DPP6: variants seen among roughly 807,000 people sequenced by gnomAD.
DPP6 encodes dipeptidyl peptidase like 6, also known as A-type potassium channel modulatory protein DPP6.
DPP6 carries 69 observed loss-of-function variants against 122.6 expected under a neutral mutation model. That is an observed-to-expected ratio of 0.56 (90% CI 0.46 to 0.69). The LOEUF is 0.69. DPP6 is among the 30% of genes least tolerant of loss of function. The pLI, the probability that DPP6 is intolerant of heterozygous loss-of-function variation, is 0.00. For missense variants in DPP6, 928 were observed against 1,116.9 expected (o/e 0.83, Z 2.41); for synonymous variants, 418 against 433.1 (o/e 0.97, Z 0.43).
intron 7 of DPP6, among the ~76,000 whole-genome samples, chr7:154,712,862 T>G (rs773588881): frequency 3.3e-5 from 5 of 152,154 alleles, no homozygotes; most frequent in Non-Finnish European, 7.4e-5. Context: ...TCCTCACAAT[T>G]CAAAACAAAA....
intron 6 of DPP6, among the ~76,000 whole-genome samples, chr7:154,646,027 C>CAAAAAAAAAAAAAAAAAAAAA (rs71184020): frequency 5.2e-5 from 3 of 57,942 alleles, no homozygotes; most frequent in East Asian, 6.1e-4. Context: ...GACTCCGTCT[C>CAAAAAAAAAAAAAAAAAAAAA]AAAAAAAAAA....
In DPP6 at chr7:154,760,777, C is replaced by T. The variant is rs1304902084; in HGVS notation, c.884-8640C>T. Among the ~76,000 whole-genome samples, 1 of 150,320 alleles carries T rather than the reference C, an allele frequency of 6.7e-6. No homozygotes were observed. Among genetic ancestry groups the T allele is most frequent in the African/African-American group, 2.4e-5 (1 of 40,886 alleles). On this transcript the variant is annotated intron_variant, in intron 8 of 25. Transcript: ENST00000377770. The surrounding 1 kb of genome is among the most constrained non-coding windows in gnomAD (Gnocchi z 4.5). Reference sequence around the variant, plus strand: ...ACAAATGAAGAGGAAAGAGAGAAGACAAAACAAAAAGAAGGGTAAAGGAGC... The same window carrying T: ...ACAAATGAAGAGGAAAGAGAGAAGATAAAACAAAAAGAAGGGTAAAGGAGC...
intron 1 of DPP6, among the ~76,000 whole-genome samples, chr7:154,444,006 C>T (rs1315973773): frequency 6.6e-6 from 1 of 152,176 alleles, no homozygotes; most frequent in Non-Finnish European, 1.5e-5. Context: ...AACAGTTCAA[C>T]TCCTGCAAGT....
chr7:154,350,561 T>C (rs940590378), intron 1 of DPP6, among the ~76,000 whole-genome samples: 5 of 152,160 alleles, frequency 3.3e-5, no homozygotes, highest in Admixed American at 2.6e-4. Flanking sequence ...CGGTGTCCAC[T>C]AAAGACATTT....
intron 1 of DPP6, among the ~76,000 whole-genome samples, chr7:154,099,497 TA>T (rs1213447690): frequency 6.6e-6 from 1 of 152,124 alleles, no homozygotes; most frequent in African/African-American, 2.4e-5. Context: ...TTAAAATTAT[TA>T]AAAGCGTGGC....
At chr7:153,918,467 C>T (rs1800439528) in intron 1 of DPP6, among the ~76,000 whole-genome samples, 1 of 69,482 alleles carries the variant, frequency 1.4e-5, no homozygotes, top group Admixed American at 1.6e-4. Flanking sequence ...CACACACACA[C>T]TCTCTCTCTC....
At chr7:154,782,547 A>C (rs1215437621) in intron 10 of DPP6, among the ~76,000 whole-genome samples, 2 of 152,104 alleles carry the variant, frequency 1.3e-5, no homozygotes, top group East Asian at 3.9e-4. Flanking sequence ...AAGAATATTT[A>C]GTAAGGGCAG....
chr7:154,090,493 A>G (rs1486355056), intron 1 of DPP6, among the ~76,000 whole-genome samples: 1 of 152,202 alleles, frequency 6.6e-6, no homozygotes, highest in East Asian at 1.9e-4. Flanking sequence ...TCCCATCCGT[A>G]ACAGGAAGAA....
intron 6 of DPP6, among the ~76,000 whole-genome samples, chr7:154,647,696 T>TA (rs1383690856): frequency 4.6e-5 from 7 of 152,228 alleles, no homozygotes; most frequent in Admixed American, 2.0e-4. Context: ...CGCCAGATGT[T>TA]ACAGGTCACT....
chr7:154,761,472 C>A (rs1795551372), intron 8 of DPP6, among the ~76,000 whole-genome samples: 1 of 152,060 alleles, frequency 6.6e-6, no homozygotes, highest in East Asian at 1.9e-4. Flanking sequence ...TGAGGCCGTT[C>A]TTGCATTGCG....
intron 7 of DPP6, among the ~76,000 whole-genome samples, chr7:154,695,531 TC>T (rs1840167864): frequency 6.6e-6 from 1 of 152,212 alleles, no homozygotes; most frequent in South Asian, 2.1e-4. Flanking sequence ...TTGCTATAGT[TC>T]AGAGAGGTGA....
At chr7:154,497,549 C>CA (rs1824855409) in intron 3 of DPP6, among the ~76,000 whole-genome samples, 1 of 150,610 alleles carries the variant, frequency 6.6e-6, no homozygotes, top group African/African-American at 2.5e-5. Flanking sequence ...GTAGAGGTTG[C>CA]AGTAAGCCAG....
intron 2 of DPP6, among the ~76,000 whole-genome samples, chr7:154,467,748 G>A (rs955176848): frequency 5.9e-5 from 9 of 152,110 alleles, no homozygotes; most frequent in Admixed American, 2.0e-4. Context: ...AAGAATCTGC[G>A]GATCTTCTAT....
At chr7:154,081,071 GGTAT>G (rs1359162981) in intron 1 of DPP6, among the ~76,000 whole-genome samples, 1 of 151,974 alleles carries the variant, frequency 6.6e-6, no homozygotes, top group Non-Finnish European at 1.5e-5. Context: ...TATGGCTTAG[GGTAT>G]TAAAAAATAG....
At chr7:154,031,102 C>T (rs992258216) in intron 1 of DPP6, among the ~76,000 whole-genome samples, 6 of 152,090 alleles carry the variant, frequency 3.9e-5, no homozygotes, top group Non-Finnish European at 5.9e-5. Context: ...CTCTTACTGA[C>T]CATTATCCCC....
At chr7:154,198,865 G>A (rs1799013997) in intron 1 of DPP6, among the ~76,000 whole-genome samples, 1 of 152,116 alleles carries the variant, frequency 6.6e-6, no homozygotes, top group Non-Finnish European at 1.5e-5. Context: ...GGGTTGAGTT[G>A]GTAAAACCCG....
At chr7:154,061,758 C>T (rs1304689991) in intron 1 of DPP6, among the ~76,000 whole-genome samples, 3 of 108,414 alleles carry the variant, frequency 2.8e-5, no homozygotes, top group African/African-American at 1.1e-4. Flanking sequence ...TCCCCTGGCT[C>T]TTTGCACCCC....
chr7:154,435,818 C>G (rs1351463683), intron 1 of DPP6, among the ~76,000 whole-genome samples: 1 of 152,158 alleles, frequency 6.6e-6, no homozygotes, highest in Admixed American at 6.5e-5. Context: ...TATGTCAGAG[C>G]TTTTCACAGT....
At chr7:154,062,811 G>T (rs1362463061) in intron 1 of DPP6, among the ~76,000 whole-genome samples, 2 of 108,822 alleles carry the variant, frequency 1.8e-5, no homozygotes, top group African/African-American at 3.7e-5. Flanking sequence ...CCATCGCAGA[G>T]GGGGGAGGCA....
Sources: allele counts gnomAD v4.1 joint callset (sites outside exome capture counted in the v4.1 genomes callset), GRCh38; gene constraint gnomAD v4.1.1; non-coding constraint Gnocchi (gnomAD v3.1); transcripts MANE v1.5; gene names NCBI Gene and HGNC (gene_info 2026-07-23, HGNC 2026-07-21).